GRIK2: variants seen among roughly 807,000 people sequenced by gnomAD.
GRIK2 encodes the protein glutamate ionotropic receptor kainate type subunit 2.
GRIK2 carries 32 observed loss-of-function variants against 100.3 expected under a neutral mutation model. The ratio of observed to expected loss-of-function variants is 0.32; its 90% CI spans 0.24 to 0.43. GRIK2 has a LOEUF of 0.43. Among genes scored for constraint, GRIK2 ranks in the 20% least tolerant of loss-of-function variants. The pLI is 1.00. For missense variants in GRIK2, 843 were observed against 1,114.9 expected (o/e 0.76, Z 3.47); for synonymous variants, 417 against 389.4 (o/e 1.07, Z -0.83).
intron 2 of GRIK2, among the ~76,000 whole-genome samples, chr6:101,443,805 A>G (rs1415228216): frequency 6.6e-6 from 1 of 152,016 alleles, no homozygotes; most frequent in Non-Finnish European, 1.5e-5. Context: ...TATCTAATGT[A>G]ATTTGCCATA....
chr6:101,923,813 C>G (rs542095139), intron 12 of GRIK2, among the ~76,000 whole-genome samples: 43 of 151,490 alleles, frequency 2.8e-4, no homozygotes, highest in Non-Finnish European at 5.7e-4. Flanking sequence ...CACAGCTACT[C>G]CGGAGGCTGA....
At chr6:101,398,363 G>T (rs1206249344) in intron 1 of GRIK2, among the ~76,000 whole-genome samples, 1 of 152,122 alleles carries the variant, frequency 6.6e-6, no homozygotes, top group Non-Finnish European at 1.5e-5. Flanking sequence ...GTTCACTGAA[G>T]AAATTTCTCC....
intron 2 of GRIK2, among the ~76,000 whole-genome samples, chr6:101,619,937 A>G (rs1050255314): frequency 2.6e-5 from 4 of 152,132 alleles, no homozygotes; most frequent in African/African-American, 9.6e-5. Flanking sequence ...TTCCTGTAAA[A>G]TAATGCTATT....
intron 4 of GRIK2, among the ~76,000 whole-genome samples, chr6:101,640,937 A>G (rs758092152): frequency 6.6e-6 from 1 of 152,174 alleles, no homozygotes; most frequent in African/African-American, 2.4e-5. Flanking sequence ...AAATGTTTAA[A>G]CAAGCATAAT....
chr6:101,788,027 C>T (rs1368373428), intron 7 of GRIK2, among the ~76,000 whole-genome samples: 1 of 151,982 alleles, frequency 6.6e-6, no homozygotes, highest in African/African-American at 2.4e-5. Context: ...GAATTGATCC[C>T]TTTGTCATTA....
At chr6:101,539,547 T>A (rs1286189146) in intron 2 of GRIK2, among the ~76,000 whole-genome samples, 1 of 151,818 alleles carries the variant, frequency 6.6e-6, no homozygotes, top group Non-Finnish European at 1.5e-5. Context: ...TGCAATAAAG[T>A]CATCTGCCTA....
At chr6:101,606,242 C>T (rs1469127798) in intron 2 of GRIK2, among the ~76,000 whole-genome samples, 1 of 151,968 alleles carries the variant, frequency 6.6e-6, no homozygotes, top group African/African-American at 2.4e-5. Context: ...TGTGATTATC[C>T]ATTTCAGAAA....
At chr6:101,963,558 T>G (rs1381689475) in intron 14 of GRIK2, among the ~76,000 whole-genome samples, 1 of 147,062 alleles carries the variant, frequency 6.8e-6, no homozygotes, top group Non-Finnish European at 1.5e-5. Flanking sequence ...TTCACTGTGT[T>G]AGCTAGGATG....
At chr6:101,864,961 C>A (rs2128445665) in intron 11 of GRIK2, among the ~76,000 whole-genome samples, 1 of 152,280 alleles carries the variant, frequency 6.6e-6, no homozygotes, top group South Asian at 2.1e-4. Flanking sequence ...ATCTTTACAA[C>A]TTCTTTGTCT....
intron 12 of GRIK2, among the ~76,000 whole-genome samples, chr6:101,902,423 A>G (rs1934677): frequency 0.087 from 13,230 of 152,034 alleles, 797 homozygotes; most frequent in Middle Eastern, 0.2. Context: ...TAAAAAGTTA[A>G]GTTGTTATTA....
chr6:101,498,238 G>T (rs1345927511), intron 2 of GRIK2, among the ~76,000 whole-genome samples: 2 of 151,186 alleles, frequency 1.3e-5, no homozygotes, highest in South Asian at 2.1e-4. Context: ...TGGTGTATAT[G>T]TGCCACATTT....
At chr6:102,059,882 T>C (rs557157685) in intron 16 of GRIK2, among the ~76,000 whole-genome samples, 1 of 150,662 alleles carries the variant, frequency 6.6e-6, no homozygotes, top group East Asian at 1.9e-4. Context: ...TACAAATTGT[T>C]TTTATTGAAC....
intron 4 of GRIK2, among the ~76,000 whole-genome samples, chr6:101,630,236 T>C (rs1045438457): frequency 2.0e-5 from 3 of 152,120 alleles, no homozygotes; most frequent in Admixed American, 2.0e-4. Flanking sequence ...TACCCAGTAA[T>C]GGTATTGCTG....
chr6:101,784,392 T>G (rs1015026951), intron 7 of GRIK2, among the ~76,000 whole-genome samples: 50 of 152,224 alleles, frequency 3.3e-4, no homozygotes, highest in African/African-American at 1.2e-3. Context: ...ATGCTTATGA[T>G]TTTACAGGCT....
At chr6:101,642,472 G>A (rs1344810101) in intron 4 of GRIK2, among the ~76,000 whole-genome samples, 1 of 151,654 alleles carries the variant, frequency 6.6e-6, no homozygotes, top group Admixed American at 6.6e-5. Context: ...GATACTCATA[G>A]AAATCGATTA....
chr6:101,952,488 GT>G (rs111895980), intron 14 of GRIK2, among the ~76,000 whole-genome samples: 5,902 of 148,816 alleles, frequency 0.04, 340 homozygotes, highest in African/African-American at 0.13. Flanking sequence ...GTTTTGTTCA[GT>G]TTTTTTTTTA....
intron 2 of GRIK2, among the ~76,000 whole-genome samples, chr6:101,556,111 G>A (rs78007971): frequency 6.6e-6 from 1 of 151,458 alleles, no homozygotes; most frequent in Admixed American, 6.6e-5. Context: ...TCTCTAAATT[G>A]CAAATATCTT....
intron 4 of GRIK2, among the ~76,000 whole-genome samples, chr6:101,667,649 G>A (rs555517367): frequency 1.3e-5 from 2 of 152,184 alleles, no homozygotes; most frequent in South Asian, 2.1e-4. Flanking sequence ...TCCTGGCTTC[G>A]AAGAGAACAT....
chr6:101,933,604 C>T (rs968819783), intron 14 of GRIK2, among the ~76,000 whole-genome samples: 2 of 151,918 alleles, frequency 1.3e-5, no homozygotes, highest in African/African-American at 4.8e-5. Flanking sequence ...TTATTATCTG[C>T]TATGTGTGCC....
Sources: allele counts gnomAD v4.1 joint callset (sites outside exome capture counted in the v4.1 genomes callset), GRCh38; gene constraint gnomAD v4.1.1; transcripts MANE v1.5; gene names NCBI Gene and HGNC (gene_info 2026-07-23, HGNC 2026-07-21).